The following PRKCQ variants were observed in gnomAD, a reference collection of about 807,000 sequenced individuals.
PRKCQ encodes protein kinase C theta, also known as protein kinase C theta type.
PRKCQ carries 41 observed loss-of-function variants against 91.2 expected under a neutral mutation model. The observed-to-expected ratio is 0.45, with a 90% CI of 0.35 to 0.58. The LOEUF (loss-of-function observed/expected upper bound fraction) is 0.58, where lower values mean the gene tolerates loss of function less well. Among genes scored for constraint, PRKCQ ranks in the 20% least tolerant of loss-of-function variants. The probability of loss-of-function intolerance (pLI) is 0.00; values close to 1 mark genes in which losing one functional copy is unlikely to be tolerated. For missense variants in PRKCQ, 673 were observed against 896.5 expected (o/e 0.75, Z 3.18); for synonymous variants, 307 against 316.9 (o/e 0.97, Z 0.33).
At chr10:6,580,318 G>A (rs1841431749), upstream of PRKCQ, 8 of 149,044 alleles carry the variant, frequency 5.4e-5, 2 homozygotes, top group Admixed American at 5.3e-4. Flanking sequence ...CGGGGCTGGC[G>A]GGGCTGGCGG....
intron 1 of PRKCQ, among the ~76,000 whole-genome samples, chr10:6,518,394 T>C (rs1021634720): frequency 6.6e-6 from 1 of 152,200 alleles, no homozygotes; most frequent in Admixed American, 6.5e-5. Context: ...TTAAGCTCTT[T>C]TGAACATTTG....
chr10:6,427,897 T>C lies in PRKCQ; in HGVS notation c.*310A>G. ...GCCCAGGTGAAGAGCCATAATTTAT[T>C]GCAGTATCAAGTCTTGAAACCTTTC... is the stretch of plus-strand genomic sequence containing the variant. On this transcript the variant is annotated 3_prime_UTR_variant, in exon 18 of 18. Transcript: ENST00000263125. 1 of 311,116 alleles carries C rather than the reference T, an allele frequency of 3.2e-6. No individual in the cohort carries two copies. Among genetic ancestry groups the C allele is most frequent in the South Asian group, 3.4e-5 (1 of 29,410 alleles). The allele number at this position is 311,116 out of a possible 1,614,324, so 19.3% of individuals were successfully genotyped here. A position where few individuals can be genotyped will look rare whatever the true frequency, so the allele number is the denominator to read the frequency against.
At chr10:6,421,820 C>G in the PRKCQ span, among the ~76,000 whole-genome samples, 1 of 152,342 alleles carries the variant, frequency 6.6e-6, no homozygotes, top group Admixed American at 6.5e-5. The surrounding 1 kb of genome is among the most constrained non-coding windows in gnomAD (Gnocchi z 4.1). Context: ...GATCGAGTCA[C>G]TGCACCATGT....
intron 8 of PRKCQ, chr10:6,489,551 G>A (rs7910501): frequency 0.07 from 33,448 of 479,514 alleles, 1,405 homozygotes; most frequent in Middle Eastern, 0.11. Context: ...ATGAAAGGGA[G>A]GCAGAGAGGG....
chr10:6,538,695 G>A (rs1839671556), intron 1 of PRKCQ, among the ~76,000 whole-genome samples: 1 of 152,230 alleles, frequency 6.6e-6, no homozygotes, highest in Non-Finnish European at 1.5e-5. Flanking sequence ...GAAAGTCGGA[G>A]TTGGAATAAG....
At position 6,440,299 on chromosome 10, in the gene PRKCQ, G is replaced by C. The variant is rs147810451; in HGVS notation, c.1836+1594C>G. On this transcript the variant is annotated intron_variant, in intron 16 of 17. Transcript: ENST00000263125. ...CTGCTGGGCAGGAAACCAACAGTGA[G>C]AGAGTCTTGCAGAATCAGCGTTGGT... Among the ~76,000 whole-genome samples the C allele has an allele frequency of 7.3e-3, 1,119 of 152,336 alleles. 52 individuals are homozygous for C. Among genetic ancestry groups the C allele is most frequent in the East Asian group, 3.9e-3 (20 of 5,182 alleles).
At chr10:6,544,310 C>T (rs1480704769) in intron 1 of PRKCQ, among the ~76,000 whole-genome samples, 7 of 152,160 alleles carry the variant, frequency 4.6e-5, no homozygotes, top group Non-Finnish European at 7.3e-5. Flanking sequence ...AAATCAACAT[C>T]GCTCAAGGTT....
intron 1 of PRKCQ, among the ~76,000 whole-genome samples, chr10:6,517,824 T>C (rs1387471523): frequency 6.6e-6 from 1 of 151,044 alleles, no homozygotes; most frequent in Non-Finnish European, 1.5e-5. Flanking sequence ...ATAATATGGG[T>C]ATACAAATTT....
At chr10:6,414,264 C>T in the PRKCQ span, among the ~76,000 whole-genome samples, 13 of 152,294 alleles carry the variant, frequency 8.5e-5, no homozygotes, top group East Asian at 2.3e-3. Context: ...TTAGATCAAA[C>T]ATTTTGTTGA....
At chr10:6,395,054 GTCTTTTT>G in the PRKCQ span, among the ~76,000 whole-genome samples, 49 of 129,970 alleles carry the variant, frequency 3.8e-4, 6 homozygotes, top group African/African-American at 1.3e-3. Context: ...GGAAGCTGGA[GTCTTTTT>G]TTTTTTTTTT....
chr10:6,533,383 G>A (rs1025968214), intron 1 of PRKCQ, among the ~76,000 whole-genome samples: 1 of 152,138 alleles, frequency 6.6e-6, no homozygotes, highest in African/African-American at 2.4e-5. Flanking sequence ...TTTTAGTGGA[G>A]ACGGGGTTTC....
At chr10:6,396,070 G>A in the PRKCQ span, among the ~76,000 whole-genome samples, 2 of 152,186 alleles carry the variant, frequency 1.3e-5, no homozygotes, top group African/African-American at 2.4e-5. Context: ...AGCAAATGGC[G>A]ATCGATAATG....
At chr10:6,488,296 G>A (rs569118675) in intron 8 of PRKCQ, among the ~76,000 whole-genome samples, 3 of 152,180 alleles carry the variant, frequency 2.0e-5, no homozygotes, top group Non-Finnish European at 4.4e-5. Context: ...TGAAATTTGG[G>A]CAACCCTCAC....
At chr10:6,568,924 G>A (rs1406598639) in intron 1 of PRKCQ, among the ~76,000 whole-genome samples, 2 of 151,972 alleles carry the variant, frequency 1.3e-5, no homozygotes, top group Admixed American at 6.6e-5. Context: ...GTCACCTCCC[G>A]GAATTCTAAA....
intron 10 of PRKCQ, 125 bp downstream of exon 10, chr10:6,485,027 T>C (rs1379657934): frequency 3.8e-6 from 3 of 793,042 alleles, no homozygotes; most frequent in South Asian, 3.6e-5. Context: ...AGCCTCTTAG[T>C]TGGTAGCTGG....
intron 14 of PRKCQ, among the ~76,000 whole-genome samples, chr10:6,461,698 C>T (rs962313504): frequency 1.3e-5 from 2 of 152,204 alleles, no homozygotes; most frequent in Admixed American, 6.5e-5. Flanking sequence ...GCAGCTCAGC[C>T]ATCCTCCTCA....
chr10:6,422,766 A>G (rs1346106637), downstream of PRKCQ, among the ~76,000 whole-genome samples: 2 of 152,204 alleles, frequency 1.3e-5, no homozygotes, highest in African/African-American at 4.8e-5. Context: ...CTTCATCCGC[A>G]GTAGAGTGAA....
At chr10:6,553,373 C>T (rs921250657) in intron 1 of PRKCQ, among the ~76,000 whole-genome samples, 7 of 151,790 alleles carry the variant, frequency 4.6e-5, no homozygotes, top group Admixed American at 1.3e-4. Context: ...TCCTGTGGCC[C>T]CAGGTACTCA....
intron 1 of PRKCQ, among the ~76,000 whole-genome samples, chr10:6,566,905 T>C (rs1420786771): frequency 6.6e-6 from 1 of 152,060 alleles, no homozygotes; most frequent in Non-Finnish European, 1.5e-5. Context: ...TCAATATTAA[T>C]GATTAGGGCC....
Sources: gnomAD v4.1 joint callset for allele counts (sites outside exome capture counted in the v4.1 genomes callset) on GRCh38, gnomAD v4.1.1 for gene constraint, Gnocchi (gnomAD v3.1) non-coding constraint, MANE v1.5 for transcripts, NCBI Gene and HGNC (gene_info 2026-07-23, HGNC 2026-07-21) for gene names.